The following ASB8 variants were observed in gnomAD, a reference collection of about 807,000 sequenced individuals.
ASB8 encodes the protein ankyrin repeat and SOCS box protein 8.
ASB8 carries 15 observed loss-of-function variants against 22.9 expected under a neutral mutation model. The observed-to-expected ratio is 0.66, with a 90% CI of 0.44 to 1.01. The LOEUF (loss-of-function observed/expected upper bound fraction) is 1.01. Ranked by LOEUF, ASB8 falls within the 50% of genes least tolerant of loss-of-function variation. ASB8 has a pLI of 0.00. For synonymous variants in ASB8, 124 were observed against 140.8 expected (o/e 0.88, Z 0.84); for missense variants, 294 against 356.9 (o/e 0.82, Z 1.42).
chr12:48,149,911 C>A lies in ASB8; in HGVS notation c.322G>T (p.Gly108Cys). 6.2e-7 allele frequency: 1 copy of A among 1,614,158 alleles called. No homozygotes were observed. The highest frequency in any genetic ancestry group is 8.5e-7 in the Non-Finnish European group (1 of 1,179,998). Reference sequence around the variant, plus strand: ...CCATCCAAAGCATTGGGGTTTGCACCATACTCCAATAGGACCTCCACACAA... The same window carrying A: ...CCATCCAAAGCATTGGGGTTTGCACAATACTCCAATAGGACCTCCACACAA... Reference protein sequence around the residue: ...EACVEVLLEYGANPNALDGNR... With the variant: ...EACVEVLLEYCANPNALDGNR... The change falls in exon 4 of 4, where the codon GGT (glycine) becomes TGT (cysteine). Residue 108 changes from glycine to cysteine, a missense_variant. Physicochemically the swap from Gly to Cys is radical, Grantham distance 159. Transcript: ENST00000317697.
At position 48,149,033 on chromosome 12, in the gene ASB8, T is replaced by G; in HGVS notation, c.*333A>C. 1 of 294,490 alleles carries G rather than the reference T, an allele frequency of 3.4e-6. No homozygotes were observed. Among genetic ancestry groups the G allele is most frequent in the Non-Finnish European group, 6.4e-6 (1 of 157,020 alleles). 18.2% of individuals were successfully genotyped at this position (294,490 alleles called of 1,614,324 possible). ...CCCCAAAGGAAAACCACACACACAT[T>G]ATTTAAGTACTTTCCATCTTCCTAG... On this transcript the variant is annotated 3_prime_UTR_variant, in exon 4 of 4. Transcript: ENST00000317697.
rs1951139029 is a variant in ASB8, at chr12:48,148,642, CAGA to C, written c.*721_*723del. ...ATTGTGATTTTCTTAAGTTTTTTCACAGATCAATTAAAATGGTTTTTTTTTTTT... is the reference window on the plus strand; with the variant it reads ...ATTGTGATTTTCTTAAGTTTTTTCACTCAATTAAAATGGTTTTTTTTTTTT... On this transcript the variant is annotated 3_prime_UTR_variant, in exon 4 of 4. Coordinates refer to ENST00000317697, the MANE Select transcript of ASB8 (RefSeq NM_024095.5). 7.0e-6 allele frequency: 1 copy of C among 142,372 alleles called. No individual in the cohort carries two copies. The highest frequency in any genetic ancestry group is 2.2e-4 in the South Asian group (1 of 4,452). The allele number at this position is 142,372 out of a possible 1,614,324, so 8.8% of individuals were successfully genotyped here.
chr12:48,150,172 T>G lies in ASB8; in HGVS notation c.235-174A>C, dbSNP rs756876748. ...ATAAAGATGAAGATATGACAGGAGC[T>G]TAGGAGCAAAAAGGAAAAGAACTGT... On this transcript the variant is annotated intron_variant, in intron 3 of 3. Transcript: ENST00000317697. The G allele has an allele frequency of 4.0e-6, 3 of 741,698 alleles. No individual in the cohort carries two copies. In the South Asian group the frequency reaches 4.4e-5, roughly 11 times the overall value. 45.9% of individuals were successfully genotyped at this position (741,698 alleles called of 1,614,324 possible).
intron 1 of ASB8, among the ~76,000 whole-genome samples, chr12:48,154,308 G>A (rs1020220895): frequency 5.9e-5 from 9 of 151,362 alleles, no homozygotes; most frequent in East Asian, 2.0e-4. Flanking sequence ...GTGAAACCCC[G>A]TCTCTACAAA....
intron 3 of ASB8, 165 bp from the exon 4 acceptor site, chr12:48,150,163 G>T: frequency 2.6e-6 from 2 of 768,878 alleles, no homozygotes; most frequent in South Asian, 1.4e-5. Flanking sequence ...ATGAAGATAT[G>T]ACAGGAGCTT....
At chr12:48,150,365 A>G (rs1951181184) in intron 3 of ASB8, among the ~76,000 whole-genome samples, 1 of 152,230 alleles carries the variant, frequency 6.6e-6, no homozygotes, top group African/African-American at 2.4e-5. Flanking sequence ...ACATTACTGG[A>G]AAGCTGCTTG....
At chr12:48,154,497 A>T (rs1305924575) in intron 1 of ASB8, among the ~76,000 whole-genome samples, 1 of 151,452 alleles carries the variant, frequency 6.6e-6, no homozygotes, top group African/African-American at 2.4e-5. Flanking sequence ...AAAAAAAAAA[A>T]AAAGGAAATA....
rs753291307 is a variant in ASB8 at position 48,153,548 on chromosome 12, C to T, written c.-33-19G>A. On this transcript the variant is annotated intron_variant, in intron 1 of 3. Transcript: ENST00000317697. ...AAACTGCCTGAAACAAAGAAGTTTT[C>T]GGCATATACAATATCACTGAGCACA... The T allele has an allele frequency of 3.8e-6, 6 of 1,597,154 alleles. No individual in the cohort carries two copies. The highest frequency in any genetic ancestry group is 1.3e-5 in the African/African-American group (1 of 74,662).
At position 48,149,888 on chromosome 12, in the gene ASB8, A is replaced by G. The variant is rs1369210259; in HGVS notation, c.345T>C (p.Asp115=). The part of the protein sequence containing the change: ...LEYGANPNAL[D]GNRDTPLHWA... Reference sequence around the variant, plus strand: ...AGTGAAGTGGGGTATCTCTGTTGCCATCCAAAGCATTGGGGTTTGCACCAT... The same window carrying G: ...AGTGAAGTGGGGTATCTCTGTTGCCGTCCAAAGCATTGGGGTTTGCACCAT... The change falls in exon 4 of 4, where the codon GAT becomes GAC. Residue 115 remains aspartate, a synonymous_variant. Coordinates refer to ENST00000317697, the MANE Select transcript of ASB8 (RefSeq NM_024095.5). 5.0e-6 allele frequency: 8 copies of G among 1,614,196 alleles called. No individual in the cohort carries two copies. Among genetic ancestry groups the G allele is most frequent in the Non-Finnish European group, 4.2e-6 (5 of 1,180,028 alleles).
chr12:48,156,731 G>T (rs1043620767), intron 1 of ASB8, among the ~76,000 whole-genome samples: 3 of 152,216 alleles, frequency 2.0e-5, no homozygotes, highest in African/African-American at 2.4e-5. Context: ...TCTGGGCTAA[G>T]AACTCCTGAG....
chr12:48,152,502 A>C (rs1430481231), intron 2 of ASB8, among the ~76,000 whole-genome samples: 1 of 152,242 alleles, frequency 6.6e-6, no homozygotes, highest in Non-Finnish European at 1.5e-5. Flanking sequence ...TACTAGTCAC[A>C]TAACAATTAT....
Position 48,152,759 on chromosome 12 carries a change from C to T in ASB8, c.129+609G>A, listed in dbSNP as rs148344623. On this transcript the variant is annotated intron_variant, in intron 2 of 3. Coordinates refer to ENST00000317697, the MANE Select transcript of ASB8 (RefSeq NM_024095.5). ...CCTCTAATCCCACGACTTTGGGAAC[C>T]CAAGGCAGGTGGGTTGCTTGAGCAT... The T allele has an allele frequency of 9.2e-5, 14 of 152,340 alleles. No homozygotes were observed. The East Asian group carries it at 2.7e-3, about 29-fold the overall frequency. The allele number at this position is 152,340 out of a possible 1,614,324, so 9.4% of individuals were successfully genotyped here.
chr12:48,148,693 T>G lies in ASB8; in HGVS notation c.*673A>C, dbSNP rs1047111424. The G allele has an allele frequency of 6.9e-6, 1 of 144,864 alleles. No homozygotes were observed. The highest frequency in any genetic ancestry group is 1.5e-5 in the Non-Finnish European group (1 of 66,382). The allele number at this position is 144,864 out of a possible 1,614,324, so 9.0% of individuals were successfully genotyped here. On this transcript the variant is annotated 3_prime_UTR_variant, in exon 4 of 4. Coordinates refer to ENST00000317697, the MANE Select transcript of ASB8 (RefSeq NM_024095.5). ...TTTTTTTTTTTTTTTGAGACAGTTT[T>G]GCTCTTGTTGTCCAGGCTGGAGTGC...
rs1239539443 is a variant in ASB8, at chr12:48,148,649, A to G, written c.*717T>C. 1 of 144,950 alleles carries G rather than the reference A, an allele frequency of 6.9e-6. No individual in the cohort carries two copies. Among genetic ancestry groups the G allele is most frequent in the Non-Finnish European group, 1.5e-5 (1 of 66,846 alleles). The allele number at this position is 144,950 out of a possible 1,614,324, so 9.0% of individuals were successfully genotyped here. A position where few individuals can be genotyped will look rare whatever the true frequency, so the allele number is the denominator to read the frequency against. On this transcript the variant is annotated 3_prime_UTR_variant, in exon 4 of 4. Coordinates refer to ENST00000317697, the MANE Select transcript of ASB8 (RefSeq NM_024095.5). The stretch of plus-strand genomic sequence containing the variant: ...TTTTCTTAAGTTTTTTCACAGATCA[A>G]TTAAAATGGTTTTTTTTTTTTTTTT...
At chr12:48,154,206 C>T (rs1339876660) in intron 1 of ASB8, among the ~76,000 whole-genome samples, 2 of 152,040 alleles carry the variant, frequency 1.3e-5, no homozygotes, top group Admixed American at 1.3e-4. Context: ...TTTGGCAGGG[C>T]GTGGTGGCTC....
In ASB8 at chr12:48,147,940, T is replaced by G. The variant is rs995742793; in HGVS notation, c.*1426A>C. The stretch of plus-strand genomic sequence containing the variant: ...TCCCAATCAGCTTTAAAAAAAAAAG[T>G]TTTTCAAATTTGCATACAAGTCATC... On this transcript the variant is annotated 3_prime_UTR_variant, in exon 4 of 4. Transcript: ENST00000317697. The G allele has an allele frequency of 1.3e-5, 2 of 151,992 alleles. No homozygotes were observed. The highest frequency in any genetic ancestry group is 4.8e-5 in the African/African-American group (2 of 41,362). The allele number at this position is 151,992 out of a possible 1,614,324, so 9.4% of individuals were successfully genotyped here. A position where few individuals can be genotyped will look rare whatever the true frequency, so the allele number is the denominator to read the frequency against.
Position 48,148,070 on chromosome 12 carries a change from T to C in ASB8, c.*1296A>G, listed in dbSNP as rs1302279422. The C allele has an allele frequency of 2.0e-5, 3 of 152,250 alleles. No individual in the cohort carries two copies. The highest frequency in any genetic ancestry group is 4.4e-5 in the Non-Finnish European group (3 of 68,052). 9.4% of individuals were successfully genotyped at this position (152,250 alleles called of 1,614,324 possible). ...GACCATCACAAAAGGAGCTCTTACATGCTTTTCCCACTCCCATCCCAAGTC... is the reference window on the plus strand; with the variant it reads ...GACCATCACAAAAGGAGCTCTTACACGCTTTTCCCACTCCCATCCCAAGTC... On this transcript the variant is annotated 3_prime_UTR_variant, in exon 4 of 4. Coordinates refer to ENST00000317697, the MANE Select transcript of ASB8 (RefSeq NM_024095.5).
chr12:48,149,543 C>T lies in ASB8; in HGVS notation c.690G>A (p.Val230=). The part of the protein sequence containing the change: ...LRKNGTMPRE[V]ARDPQLCEKL... The stretch of plus-strand genomic sequence containing the variant: ...TTTCACATAGCTGCGGGTCTCTGGC[C>T]ACCTCTCGTGGCATGGTGCCATTTT... The change falls in exon 4 of 4, where the codon GTG becomes GTA. Residue 230 remains valine (V), a synonymous_variant. Transcript: ENST00000317697. 6.2e-7 allele frequency: 1 copy of T among 1,614,170 alleles called. No individual in the cohort carries two copies. The highest frequency in any genetic ancestry group is 8.5e-7 in the Non-Finnish European group (1 of 1,180,026).
chr12:48,155,399 A>G (rs1416867613), intron 1 of ASB8, among the ~76,000 whole-genome samples: 1 of 152,196 alleles, frequency 6.6e-6, no homozygotes, highest in Non-Finnish European at 1.5e-5. Flanking sequence ...CACATTACCC[A>G]TATGAAATTG....
Sources: allele counts gnomAD v4.1 joint callset (sites outside exome capture counted in the v4.1 genomes callset), GRCh38; gene constraint gnomAD v4.1.1; transcripts MANE v1.5; gene names NCBI Gene and HGNC (gene_info 2026-07-23, HGNC 2026-07-21).